The following MAML3 variants were observed in gnomAD, a reference collection of about 807,000 sequenced individuals.
The protein encoded by MAML3 is mastermind like transcriptional coactivator 3.
Under a neutral mutation model 101.9 loss-of-function variants are expected in MAML3, and 27 were observed. The ratio of observed to expected loss-of-function variants is 0.27; its 90% confidence interval spans 0.20 to 0.37. MAML3 has a LOEUF of 0.37. Among genes scored for constraint, MAML3 ranks in the 10% least tolerant of loss-of-function variants. The probability of loss-of-function intolerance (pLI) is 1.00; values close to 1 mark genes in which losing one functional copy is unlikely to be tolerated. For synonymous variants in MAML3, 501 were observed against 555.9 expected (o/e 0.90, Z 1.39); for missense variants, 1,316 against 1,444.9 (o/e 0.91, Z 1.45).
chr4:140,154,124 GCCGCCT>G lies in MAML3; in HGVS notation c.-803_-798del. The G allele has an allele frequency of 5.5e-6, 1 of 182,074 alleles. No homozygotes were observed. Among genetic ancestry groups the G allele is most frequent in the Non-Finnish European group, 1.1e-5 (1 of 86,986 alleles). 11.3% of individuals were successfully genotyped at this position (182,074 alleles called of 1,614,324 possible). On this transcript the variant is annotated 5_prime_UTR_variant, in exon 1 of 5. Coordinates refer to ENST00000509479, the MANE Select transcript of MAML3 (RefSeq NM_018717.5). ...TCAACTGCTCGCCGCCGCCGCCGCC[GCCGCCT>G]CCTCCTCCTCCTCTCGCTCCTCCAC...
chr4:140,035,983 A>G (rs1206894726), intron 1 of MAML3, among the ~76,000 whole-genome samples: 1 of 152,236 alleles, frequency 6.6e-6, no homozygotes, highest in Non-Finnish European at 1.5e-5. Flanking sequence ...ATGAATTGAG[A>G]TGAACTCAAA....
intron 1 of MAML3, among the ~76,000 whole-genome samples, chr4:139,930,365 G>A (rs151065873): frequency 2.0e-5 from 3 of 152,220 alleles, no homozygotes; most frequent in African/African-American, 7.2e-5. Context: ...GATGAAGACC[G>A]TTCGCTGGGC....
rs368042012 is a variant in MAML3 at position 140,048,411 on chromosome 4, C to T, written c.468+104449G>A. ...TCAGGAGAAATTTATTGGGAACCTA[C>T]TGGGCATAGAACTGAAGAAAGTCTC... On this transcript the variant is annotated intron_variant, in intron 1 of 4. Coordinates refer to ENST00000509479, the MANE Select transcript of MAML3 (RefSeq NM_018717.5). 7.0e-4 allele frequency among the ~76,000 whole-genome samples: 107 copies of T among 152,316 alleles called. 1 individual carries two copies. In the East Asian group the frequency reaches 0.011, roughly 16 times the overall value.
chr4:140,020,108 C>T (rs1393116749), intron 1 of MAML3, among the ~76,000 whole-genome samples: 1 of 152,112 alleles, frequency 6.6e-6, no homozygotes, highest in Non-Finnish European at 1.5e-5. Flanking sequence ...TTTTTTCCCT[C>T]CTGACCTTTG....
At chr4:139,964,316 T>A (rs1356124045) in intron 1 of MAML3, among the ~76,000 whole-genome samples, 20 of 152,112 alleles carry the variant, frequency 1.3e-4, no homozygotes, top group Non-Finnish European at 5.9e-5. Context: ...GAAGCCATCA[T>A]CCTCAGCAAA....
intron 1 of MAML3, among the ~76,000 whole-genome samples, chr4:139,896,647 T>TGA (rs1199473152): frequency 7.4e-5 from 6 of 80,640 alleles, no homozygotes; most frequent in Admixed American, 1.3e-4. Context: ...GTGGTGTGTG[T>TGA]GTGTGAGAGA....
At chr4:140,034,903 C>G (rs531716365) in intron 1 of MAML3, among the ~76,000 whole-genome samples, 5 of 152,336 alleles carry the variant, frequency 3.3e-5, no homozygotes, top group Admixed American at 6.5e-5. Context: ...GCAACATCTA[C>G]AAACCCCACT....
intron 1 of MAML3, among the ~76,000 whole-genome samples, chr4:140,060,384 A>AAAAAAAAAACAAAAAAAAC (rs1727426311): frequency 6.7e-6 from 1 of 148,834 alleles, no homozygotes; most frequent in Non-Finnish European, 1.5e-5. Flanking sequence ...AAAAAAAAAA[A>AAAAAAAAAACAAAAAAAAC]AGTCACAAGC....
rs1429138334 is a variant in MAML3 at position 139,735,098 on chromosome 4, C to T, written c.2080-4431G>A. On this transcript the variant is annotated intron_variant, in intron 2 of 4. Transcript: ENST00000509479. This position sits in a 1 kb window ranked among gnomAD's most constrained non-coding sequence, Gnocchi z 5.8. ...GCGGCCCCCGCCCCGCGCGTCTGGG[C>T]GAGCGCTGCGAACGTGGAGCCAGGC... is the stretch of plus-strand genomic sequence containing the variant. 6.6e-6 allele frequency among the ~76,000 whole-genome samples: 1 copy of T among 152,210 alleles called. No individual in the cohort carries two copies. Among genetic ancestry groups the T allele is most frequent in the Non-Finnish European group, 1.5e-5 (1 of 68,036 alleles).
At chr4:139,783,934 G>T (rs1469409947) in intron 2 of MAML3, among the ~76,000 whole-genome samples, 1 of 152,196 alleles carries the variant, frequency 6.6e-6, no homozygotes, top group East Asian at 1.9e-4. Flanking sequence ...GCATTTAGCG[G>T]TCTGTTTTCA....
At chr4:139,767,247 G>T (rs1729879456) in intron 2 of MAML3, among the ~76,000 whole-genome samples, 1 of 152,220 alleles carries the variant, frequency 6.6e-6, no homozygotes, top group Non-Finnish European at 1.5e-5. Context: ...CAAGGGACAT[G>T]CTGACGGATG....
intron 2 of MAML3, among the ~76,000 whole-genome samples, chr4:139,768,501 GC>G (rs1729910791): frequency 1.3e-5 from 2 of 152,088 alleles, no homozygotes; most frequent in African/African-American, 4.8e-5. Context: ...GATTAATTTG[GC>G]CATATTACAG....
At position 140,152,965 on chromosome 4, in the gene MAML3, C is replaced by T; in HGVS notation, c.363G>A (p.Arg121=). The T allele has an allele frequency of 2.5e-6, 4 of 1,611,832 alleles. No homozygotes were observed. The East Asian group carries it at 6.7e-5, about 27-fold the overall frequency. Residue 121 remains arginine, a synonymous_variant, in exon 1 of 5, where the codon AGG becomes AGA. Transcript: ENST00000509479. ...CGGTGCCGGCGCCCGATTTCTTGGC[C>T]CTCTGCTCCAGGGTCCGCTGGTAGA... ...VSLYQRTLEQ[R]AKKSGAGTGK... is the part of the protein sequence containing the mutation.
intron 1 of MAML3, among the ~76,000 whole-genome samples, chr4:140,067,141 T>C (rs1318721404): frequency 6.6e-6 from 1 of 152,032 alleles, no homozygotes; most frequent in Non-Finnish European, 1.5e-5. Context: ...CTCAGGATAG[T>C]AATCAATGAA....
intron 2 of MAML3, among the ~76,000 whole-genome samples, chr4:139,875,109 C>T (rs1218840127): frequency 1.3e-5 from 2 of 152,106 alleles, no homozygotes; most frequent in Non-Finnish European, 2.9e-5. Context: ...AGCTGATCAT[C>T]CCCATCTTCT....
chr4:139,750,833 C>T (rs575346405), intron 2 of MAML3, among the ~76,000 whole-genome samples: 3 of 152,276 alleles, frequency 2.0e-5, no homozygotes, highest in Admixed American at 6.5e-5. Flanking sequence ...CACTCCCTAC[C>T]CCCTTTTAAA....
intron 2 of MAML3, among the ~76,000 whole-genome samples, chr4:139,741,243 A>C (rs1000306762): frequency 1.3e-5 from 2 of 152,206 alleles, no homozygotes; most frequent in Non-Finnish European, 2.9e-5. Flanking sequence ...GCTGACGACC[A>C]GCTTCTTAGA....
Position 139,889,479 on chromosome 4 carries a change from G to T in MAML3, c.1957C>A (p.Pro653Thr). ...QQQQQQQQPP[P>T]PQLQAPRAHL... ...GCCCTGGGGGCCTGGAGCTGTGGAG[G>T]TGGCGGCTGCTGCTGCTGCTGCTGC... The change falls in exon 2 of 5, where the codon CCT becomes ACT. Residue 653 changes from proline (P) to threonine (T), a missense_variant. Transcript: ENST00000509479. The T allele has an allele frequency of 2.5e-6, 4 of 1,611,586 alleles. No individual in the cohort carries two copies. Among genetic ancestry groups the T allele is most frequent in the Non-Finnish European group, 3.4e-6 (4 of 1,178,180 alleles).
chr4:139,915,639 A>G (rs994757942), intron 1 of MAML3, among the ~76,000 whole-genome samples: 9 of 152,356 alleles, frequency 5.9e-5, no homozygotes, highest in African/African-American at 1.7e-4. Context: ...GTATGAATCC[A>G]AGGTACGAAA....
Sources: allele counts gnomAD v4.1 joint callset (sites outside exome capture counted in the v4.1 genomes callset), GRCh38; gene constraint gnomAD v4.1.1; non-coding constraint Gnocchi (gnomAD v3.1); transcripts MANE v1.5; gene names NCBI Gene and HGNC (gene_info 2026-07-23, HGNC 2026-07-21).